Variants in EPHB3 observed in about 807,000 individuals in gnomAD.
EPHB3 encodes the protein EPH receptor B3.
Under a neutral mutation model 100.2 loss-of-function variants are expected in EPHB3, and 33 were observed. That is an observed-to-expected ratio of 0.33 (90% CI 0.25 to 0.44). The LOEUF (loss-of-function observed/expected upper bound fraction) is 0.44, where lower values mean the gene tolerates loss of function less well. EPHB3 is among the 20% of genes least tolerant of loss of function. The probability of loss-of-function intolerance (pLI) is 1.00; values close to 1 mark genes in which losing one functional copy is unlikely to be tolerated. For missense variants in EPHB3, 1,045 were observed against 1,378.3 expected (o/e 0.76, Z 3.83); for synonymous variants, 526 against 554.7 (o/e 0.95, Z 0.73).
chr3:184,567,860 G>A (rs1196819158), intron 1 of EPHB3, among the ~76,000 whole-genome samples: 2 of 152,158 alleles, frequency 1.3e-5, no homozygotes, highest in Non-Finnish European at 2.9e-5. Context: ...GGCTGGAAGC[G>A]TGGGTCCGCC....
rs761046260 is a variant in EPHB3 at position 184,573,709 on chromosome 3, C to A, written c.856+533C>A. 1.5e-4 allele frequency among the ~76,000 whole-genome samples: 22 copies of A among 144,720 alleles called. No homozygotes were observed. Among genetic ancestry groups the A allele is most frequent in the Non-Finnish European group, 2.6e-4 (17 of 66,108 alleles). 94.9% of individuals were successfully genotyped at this position (144,720 alleles called of 152,430 possible). A position where few individuals can be genotyped will look rare whatever the true frequency, so the allele number is the denominator to read the frequency against. On this transcript the variant is annotated intron_variant, in intron 3 of 15. Transcript: ENST00000330394. This position sits in a 1 kb window ranked among gnomAD's most constrained non-coding sequence, Gnocchi z 4.5. ...CACTTACCACTTACGTGACCTTGGG[C>A]AAGTTACTTTTTTTTTTTTTTTTTT...
rs770525111 is a variant in EPHB3 at position 184,577,447 on chromosome 3, G to A, written c.1459G>A (p.Glu487Lys). ...ERPNGVILDY[E>K]MKYFEKSEGI... ...GCCCAACGGAGTCATCCTGGACTAC[G>A]AGATGAAGTACTTTGAGAAGGTCAG... Residue 487 changes from glutamate (E) to lysine (K), a missense_variant, in exon 6 of 16, where the codon GAG becomes AAG. By Grantham distance (56) the Glu-to-Lys change is moderately conservative (BLOSUM62 1). Around this residue, in one of 2 missense-constraint regions of EPHB3, gnomAD observed 985 missense variants for 1,331.1 expected, o/e 0.74. Transcript: ENST00000330394. This position sits in a 1 kb window ranked among gnomAD's most constrained non-coding sequence, Gnocchi z 4.9. 3 of 1,613,886 alleles carry A rather than the reference G, an allele frequency of 1.9e-6. No homozygotes were observed. Among genetic ancestry groups the A allele is most frequent in the Admixed American group, 1.7e-5 (1 of 60,000 alleles).
At position 184,579,961 on chromosome 3, in the gene EPHB3, C is replaced by T. The variant is rs1415280669; in HGVS notation, c.2172+27C>T. The T allele has an allele frequency of 1.2e-6, 2 of 1,603,318 alleles. No individual in the cohort carries two copies. The highest frequency in any genetic ancestry group is 1.7e-6 in the Non-Finnish European group (2 of 1,174,900). ...TAAGAGCCAGCCCCCAGGCCCTCTC[C>T]CTCCCCCAGAGAGTTGGATTGGGCT... On this transcript the variant is annotated intron_variant, in intron 11 of 15. Transcript: ENST00000330394. The surrounding 1 kb of genome is among the most constrained non-coding windows in gnomAD (Gnocchi z 5.2).
At chr3:184,568,345 C>G (rs1445326178) in intron 1 of EPHB3, among the ~76,000 whole-genome samples, 1 of 152,212 alleles carries the variant, frequency 6.6e-6, no homozygotes, top group African/African-American at 2.4e-5. Flanking sequence ...CTCTTCTCCC[C>G]TCTGCCTCCT....
At position 184,577,786 on chromosome 3, in the gene EPHB3, C is replaced by T. The variant is rs776776306; in HGVS notation, c.1608C>T (p.Arg536=). ...RTVAGYGQYS[R]PAEFETTSER... Reference sequence around the variant, plus strand: ...TAGCTGGCTATGGGCAGTACAGCCGCCCTGCCGAGTTTGAGACCACAAGTG... The same window carrying T: ...TAGCTGGCTATGGGCAGTACAGCCGTCCTGCCGAGTTTGAGACCACAAGTG... Residue 536 remains arginine (R), a synonymous_variant, in exon 7 of 16, where the codon CGC becomes CGT. Transcript: ENST00000330394. The surrounding 1 kb of genome is among the most constrained non-coding windows in gnomAD (Gnocchi z 4.9). The T allele has an allele frequency of 6.2e-7, 1 of 1,607,596 alleles. No homozygotes were observed. Among genetic ancestry groups the T allele is most frequent in the East Asian group, 2.2e-5 (1 of 44,720 alleles).
chr3:184,578,384 A>G lies in EPHB3; in HGVS notation c.1749-30A>G. The G allele has an allele frequency of 6.2e-7, 1 of 1,613,704 alleles. No individual in the cohort carries two copies. The highest frequency in any genetic ancestry group is 8.5e-7 in the Non-Finnish European group (1 of 1,179,892). ...CAAAGGGAGGCAGATGACTTGTCTC[A>G]GGCCTGCCCTCCACCCTGCCACCCT... On this transcript the variant is annotated intron_variant, in intron 8 of 15. Transcript: ENST00000330394. This position sits in a 1 kb window ranked among gnomAD's most constrained non-coding sequence, Gnocchi z 4.7.
intron 3 of EPHB3, among the ~76,000 whole-genome samples, chr3:184,574,289 T>C (rs1431328485): frequency 1.3e-5 from 2 of 152,198 alleles, no homozygotes; most frequent in Admixed American, 6.5e-5. Context: ...AAGACTTATG[T>C]ACTAGGCTTC....
Position 184,581,970 on chromosome 3 carries a change from T to C in EPHB3, c.*348T>C. The C allele has an allele frequency of 4.8e-6, 1 of 209,402 alleles. No individual in the cohort carries two copies. Among genetic ancestry groups the C allele is most frequent in the Non-Finnish European group, 9.5e-6 (1 of 105,136 alleles). The allele number at this position is 209,402 out of a possible 1,614,324, so 13.0% of individuals were successfully genotyped here. A position where few individuals can be genotyped will look rare whatever the true frequency, so the allele number is the denominator to read the frequency against. On this transcript the variant is annotated 3_prime_UTR_variant, in exon 16 of 16. Coordinates refer to ENST00000330394, the MANE Select transcript of EPHB3 (RefSeq NM_004443.4). Reference sequence around the variant, plus strand: ...GGGTCAGGCTGGGGTAAGCCGGGGTTCCACAGGGCCCAGCCCTGGCAGGGG... The same window carrying C: ...GGGTCAGGCTGGGGTAAGCCGGGGTCCCACAGGGCCCAGCCCTGGCAGGGG...
At chr3:184,574,966 G>A (rs897558148) in intron 3 of EPHB3, among the ~76,000 whole-genome samples, 3 of 152,272 alleles carry the variant, frequency 2.0e-5, no homozygotes, top group African/African-American at 7.2e-5. Flanking sequence ...CCCTCCACAG[G>A]CAGTCATATG....
chr3:184,571,516 C>G lies in EPHB3; in HGVS notation c.183+134C>G. ...GCCCTCTGCCTGTCACCCTCACTTCCTGTGCCATCCCCATCATCCTCACTT... is the reference window on the plus strand; with the variant it reads ...GCCCTCTGCCTGTCACCCTCACTTCGTGTGCCATCCCCATCATCCTCACTT... On this transcript the variant is annotated intron_variant, in intron 2 of 15. Coordinates refer to ENST00000330394, the MANE Select transcript of EPHB3 (RefSeq NM_004443.4). The surrounding 1 kb of genome is among the most constrained non-coding windows in gnomAD (Gnocchi z 5.0). The G allele has an allele frequency of 2.3e-6, 2 of 851,286 alleles. No individual in the cohort carries two copies. Among genetic ancestry groups the G allele is most frequent in the Non-Finnish European group, 3.8e-6 (2 of 520,726 alleles). The allele number at this position is 851,286 out of a possible 1,614,324, so 52.7% of individuals were successfully genotyped here. A position where few individuals can be genotyped will look rare whatever the true frequency, so the allele number is the denominator to read the frequency against.
chr3:184,563,491 G>A lies in EPHB3; in HGVS notation c.118+1138G>A, dbSNP rs1177838190. Among the ~76,000 whole-genome samples, 2 of 152,152 alleles carry A rather than the reference G, an allele frequency of 1.3e-5. No homozygotes were observed. The highest frequency in any genetic ancestry group is 2.9e-5 in the Non-Finnish European group (2 of 68,020). ...ATGTTCACAGTCGGTAAACTTAAAG[G>A]TTGGAAGGAAAAAAGAACACAGTTC... On this transcript the variant is annotated intron_variant, in intron 1 of 15. Coordinates refer to ENST00000330394, the MANE Select transcript of EPHB3 (RefSeq NM_004443.4). The surrounding 1 kb of genome is among the most constrained non-coding windows in gnomAD (Gnocchi z 4.1).
In EPHB3 at chr3:184,573,083, T is replaced by C. The variant is rs1382805863; in HGVS notation, c.763T>C (p.Tyr255His). The C allele has an allele frequency of 1.9e-6, 3 of 1,613,186 alleles. No individual in the cohort carries two copies. Among genetic ancestry groups the C allele is most frequent in the Non-Finnish European group, 2.5e-6 (3 of 1,180,044 alleles). ...GGAGGTGTCGGTGCCACTCAAGCTC[T>C]ACTGCAACGGCGATGGGGAGTGGAT... ...AVEVSVPLKL[Y>H]CNGDGEWMVP... is the part of the protein sequence containing the mutation. The change falls in exon 3 of 16, where the codon TAC becomes CAC. Residue 255 changes from tyrosine to histidine, a missense_variant. Coordinates refer to ENST00000330394, the MANE Select transcript of EPHB3 (RefSeq NM_004443.4). The surrounding 1 kb of genome is among the most constrained non-coding windows in gnomAD (Gnocchi z 4.5).
chr3:184,563,276 T>G lies in EPHB3; in HGVS notation c.118+923T>G, dbSNP rs1714306346. On this transcript the variant is annotated intron_variant, in intron 1 of 15. Transcript: ENST00000330394. This position sits in a 1 kb window ranked among gnomAD's most constrained non-coding sequence, Gnocchi z 4.1. The stretch of plus-strand genomic sequence containing the variant: ...GAGGCCCACACACACTCACGCCCCG[T>G]TTCCAAGAATTTCGGAGCCATTAAA... Among the ~76,000 whole-genome samples the G allele has an allele frequency of 6.6e-6, 1 of 152,094 alleles. No individual in the cohort carries two copies. Among genetic ancestry groups the G allele is most frequent in the African/African-American group, 2.4e-5 (1 of 41,416 alleles).
Position 184,573,368 on chromosome 3 carries a change from TGAG to T in EPHB3, c.856+196_856+198del, listed in dbSNP as rs1348605721. ...GTAAGGAGGGAGAAGAGAGAGAAAA[TGAG>T]GAGAGACACAAGGATAGTAAGAGAA... is the stretch of plus-strand genomic sequence containing the variant. On this transcript the variant is annotated intron_variant, in intron 3 of 15. Coordinates refer to ENST00000330394, the MANE Select transcript of EPHB3 (RefSeq NM_004443.4). The surrounding 1 kb of genome is among the most constrained non-coding windows in gnomAD (Gnocchi z 4.5). Among the ~76,000 whole-genome samples the T allele has an allele frequency of 6.6e-6, 1 of 150,838 alleles. No homozygotes were observed. The highest frequency in any genetic ancestry group is 1.5e-5 in the Non-Finnish European group (1 of 67,776).
chr3:184,572,879 G>A lies in EPHB3; in HGVS notation c.559G>A (p.Ala187Thr), dbSNP rs759675909. The change falls in exon 3 of 16, where the codon GCT becomes ACT. Residue 187 changes from alanine (A) to threonine (T), a missense_variant. Around this residue, in one of 2 missense-constraint regions of EPHB3, gnomAD observed 985 missense variants for 1,331.1 expected, o/e 0.74. Transcript: ENST00000330394. This position sits in a 1 kb window ranked among gnomAD's most constrained non-coding sequence, Gnocchi z 6.6. ...KVRSFGPLSK[A>T]GFYLAFQDQG... ...GCGCAGCTTTGGGCCACTTTCCAAG[G>A]CTGGCTTCTACCTGGCCTTCCAGGA... 1 of 1,560,982 alleles carries A rather than the reference G, an allele frequency of 6.4e-7. No homozygotes were observed. Among genetic ancestry groups the A allele is most frequent in the East Asian group, 2.3e-5 (1 of 44,390 alleles).
Position 184,580,796 on chromosome 3 carries a change from G to C in EPHB3, c.2456G>C (p.Ser819Thr). The change falls in exon 13 of 16, where the codon AGT (serine) becomes ACT (threonine). Residue 819 changes from serine to threonine, a missense_variant. Coordinates refer to ENST00000330394, the MANE Select transcript of EPHB3 (RefSeq NM_004443.4). ...GCCTATCGGAAGTTCACTTCTGCTA[G>C]TGATGTCTGGAGCTACGGAATTGTC... ...AIAYRKFTSASDVWSYGIVMW... is the reference protein window; with the variant it reads ...AIAYRKFTSATDVWSYGIVMW... The C allele has an allele frequency of 6.2e-7, 1 of 1,614,226 alleles. No individual in the cohort carries two copies.
In EPHB3 at chr3:184,579,967, C is replaced by A. The variant is rs539555055; in HGVS notation, c.2172+33C>A. ...CCAGCCCCCAGGCCCTCTCCCTCCC[C>A]CAGAGAGTTGGATTGGGCTCACCAT... On this transcript the variant is annotated intron_variant, in intron 11 of 15. Coordinates refer to ENST00000330394, the MANE Select transcript of EPHB3 (RefSeq NM_004443.4). The surrounding 1 kb of genome is among the most constrained non-coding windows in gnomAD (Gnocchi z 5.2). 59 of 1,598,936 alleles carry A rather than the reference C, an allele frequency of 3.7e-5. 2 individuals carry two copies. The South Asian group carries it at 6.4e-4, about 17-fold the overall frequency.
rs553644293 is a variant in EPHB3 at position 184,563,038 on chromosome 3, G to A, written c.118+685G>A. 3.9e-5 allele frequency among the ~76,000 whole-genome samples: 6 copies of A among 152,326 alleles called. No homozygotes were observed. Among genetic ancestry groups the A allele is most frequent in the Middle Eastern group, 3.4e-3 (1 of 294 alleles). Reference sequence around the variant, plus strand: ...GCCCCAGGTAGCAGCAGAGCCCGGCGCCTTCCTCAGTAGCTGGTGGGAAAA... The same window carrying A: ...GCCCCAGGTAGCAGCAGAGCCCGGCACCTTCCTCAGTAGCTGGTGGGAAAA... On this transcript the variant is annotated intron_variant, in intron 1 of 15. Transcript: ENST00000330394. The surrounding 1 kb of genome is among the most constrained non-coding windows in gnomAD (Gnocchi z 4.1).
At position 184,572,475 on chromosome 3, in the gene EPHB3, C is replaced by T. The variant is rs1714563784; in HGVS notation, c.184-29C>T. 2 of 1,531,830 alleles carry T rather than the reference C, an allele frequency of 1.3e-6. No homozygotes were observed. Among genetic ancestry groups the T allele is most frequent in the Non-Finnish European group, 1.7e-6 (2 of 1,147,092 alleles). 94.9% of individuals were successfully genotyped at this position (1,531,830 alleles called of 1,614,324 possible). A position where few individuals can be genotyped will look rare whatever the true frequency, so the allele number is the denominator to read the frequency against. On this transcript the variant is annotated intron_variant, in intron 2 of 15. Transcript: ENST00000330394. This position sits in a 1 kb window ranked among gnomAD's most constrained non-coding sequence, Gnocchi z 6.6. ...AGCACTTGGCAAATGCAGGCATTCA[C>T]TCTGTCTTTTTCATTGGTCCATGCA...
Sources: allele counts gnomAD v4.1 joint callset (sites outside exome capture counted in the v4.1 genomes callset), GRCh38; gene constraint gnomAD v4.1.1; regional missense constraint gnomAD v4.1.1; non-coding constraint Gnocchi (gnomAD v3.1); transcripts MANE v1.5; gene names NCBI Gene and HGNC (gene_info 2026-07-23, HGNC 2026-07-21).